NOD1: variants seen among roughly 807,000 people sequenced by gnomAD.
NOD1 encodes nucleotide binding oligomerization domain containing 1.
In NOD1, 70 loss-of-function variants were observed where a neutral mutation model predicts 81.2. That is an observed-to-expected ratio of 0.86 (90% CI 0.71 to 1.05). The LOEUF (loss-of-function observed/expected upper bound fraction) is 1.05, where lower values mean the gene tolerates loss of function less well. Among genes scored for constraint, NOD1 ranks in the 50% least tolerant of loss-of-function variants. The pLI is 0.00. For missense variants in NOD1, 1,233 were observed against 1,228.0 expected (o/e 1.00, Z -0.06); for synonymous variants, 508 against 526.9 (o/e 0.96, Z 0.49).
At position 30,437,619 on chromosome 7, in the gene NOD1, C is replaced by CT; in HGVS notation, c.2490dup (p.Ala831SerfsTer49). On this transcript the variant is annotated frameshift_variant, in exon 10 of 14. Coordinates refer to ENST00000222823, the MANE Select transcript of NOD1 (RefSeq NM_006092.4). LOFTEE classifies it high-confidence loss of function. ...TGGTTCCGCAGAGCCTCTGCGAAGGCTTTTGCTCCTTCATCCCCAACTTGA... is the reference window on the plus strand; with the variant it reads ...TGGTTCCGCAGAGCCTCTGCGAAGGCTTTTTGCTCCTTCATCCCCAACTTGA... 1 of 1,511,756 alleles carries CT rather than the reference C, an allele frequency of 6.6e-7. No individual in the cohort carries two copies. Among genetic ancestry groups the CT allele is most frequent in the Non-Finnish European group, 8.8e-7 (1 of 1,142,586 alleles). The allele number at this position is 1,511,756 out of a possible 1,614,324, so 93.6% of individuals were successfully genotyped here.
intron 10 of NOD1, among the ~76,000 whole-genome samples, chr7:30,436,426 C>T (rs1057085209): frequency 6.6e-6 from 1 of 152,240 alleles, no homozygotes; most frequent in African/African-American, 2.4e-5. Flanking sequence ...CAAGGTACCC[C>T]ATCTGCAAGA....
Position 30,451,528 on chromosome 7 carries a change from C to A in NOD1, c.1889G>T (p.Gly630Val). Reference sequence around the variant, plus strand: ...AACGCGGGGCAGGCTCTTCAGGTAGCCCCGCAGGCTGGAAAACAGGTGTGC... The same window carrying A: ...AACGCGGGGCAGGCTCTTCAGGTAGACCCGCAGGCTGGAAAACAGGTGTGC... ...LWAHLFSSLR[G>V]YLKSLPRVQV... The change falls in exon 6 of 14, where the codon GGC (glycine) becomes GTC (valine). Residue 630 changes from glycine to valine, a missense_variant. Gly to Val is a moderately radical substitution (Grantham distance 109). Coordinates refer to ENST00000222823, the MANE Select transcript of NOD1 (RefSeq NM_006092.4). The surrounding 1 kb of genome is among the most constrained non-coding windows in gnomAD (Gnocchi z 4.2). The A allele has an allele frequency of 6.2e-7, 1 of 1,613,000 alleles. No individual in the cohort carries two copies. The highest frequency in any genetic ancestry group is 8.5e-7 in the Non-Finnish European group (1 of 1,179,686).
intron 12 of NOD1, among the ~76,000 whole-genome samples, chr7:30,430,996 C>CT (rs1783904620): frequency 6.6e-6 from 1 of 152,232 alleles, no homozygotes; most frequent in South Asian, 2.1e-4. Context: ...ACCACTTAGG[C>CT]TTTTTTGAAG....
chr7:30,447,336 A>G (rs1718638228), intron 7 of NOD1: 1 of 457,328 alleles, frequency 2.2e-6, no homozygotes, highest in African/African-American at 2.0e-5. Context: ...CAGGGTGGTT[A>G]TGAGGATCTT....
At chr7:30,474,824 C>T (rs1166078186) in intron 1 of NOD1, among the ~76,000 whole-genome samples, 3 of 152,208 alleles carry the variant, frequency 2.0e-5, no homozygotes, top group Non-Finnish European at 1.5e-5. Context: ...TTCAGCCCTG[C>T]ATGTCTGGTA....
intron 1 of NOD1, among the ~76,000 whole-genome samples, chr7:30,468,116 G>A (rs1351251547): frequency 2.0e-5 from 3 of 152,178 alleles, no homozygotes; most frequent in African/African-American, 7.2e-5. Flanking sequence ...AAATAGTACA[G>A]AGCAAAAGTC....
chr7:30,447,077 C>T (rs5743354), intron 7 of NOD1, 27 bp from the exon 8 acceptor site: 171 of 1,613,172 alleles, frequency 1.1e-4, no homozygotes, highest in Admixed American at 1.2e-4. Flanking sequence ...AGCCATGAGA[C>T]TTTCTGGCTC....
At chr7:30,440,011 G>C (rs1408187021) in intron 9 of NOD1, among the ~76,000 whole-genome samples, 13 of 26,172 alleles carry the variant, frequency 5.0e-4, no homozygotes, top group African/African-American at 1.7e-3. Flanking sequence ...CACCTCACAC[G>C]GCAGGGTATT....
intron 12 of NOD1, among the ~76,000 whole-genome samples, chr7:30,430,460 G>A (rs950146918): frequency 6.6e-6 from 1 of 152,098 alleles, no homozygotes; most frequent in Non-Finnish European, 1.5e-5. Context: ...TTGTAGAATA[G>A]GCTCCTGCTA....
Position 30,426,079 on chromosome 7 carries a change from T to G in NOD1, c.2790-369A>C, listed in dbSNP as rs569203827. 6.0e-4 allele frequency among the ~76,000 whole-genome samples: 91 copies of G among 152,270 alleles called. 2 individuals are homozygous for G. Among genetic ancestry groups the G allele is most frequent in the South Asian group, 4.4e-3 (21 of 4,824 alleles). ...TATATGCGCTGATTTTTCTCCTGCA[T>G]CTGAGCACTCTACTTCAATTTCCTT... On this transcript the variant is annotated intron_variant, in intron 13 of 13. Transcript: ENST00000222823.
intron 12 of NOD1, among the ~76,000 whole-genome samples, chr7:30,431,915 G>A (rs915704734): frequency 2.0e-5 from 3 of 152,076 alleles, no homozygotes; most frequent in Non-Finnish European, 4.4e-5. Context: ...GACCAGCCTG[G>A]GCCTAAATGG....
At chr7:30,433,698 C>T (rs1264487023) in intron 11 of NOD1, among the ~76,000 whole-genome samples, 1 of 152,140 alleles carries the variant, frequency 6.6e-6, no homozygotes, top group Non-Finnish European at 1.5e-5. Flanking sequence ...GTCCTTAGAA[C>T]CAGAAGTGGT....
intron 12 of NOD1, among the ~76,000 whole-genome samples, chr7:30,432,240 C>A (rs969597587): frequency 6.6e-6 from 1 of 152,028 alleles, no homozygotes; most frequent in Non-Finnish European, 1.5e-5. Context: ...ATATAGAGAA[C>A]CCCTATAACT....
chr7:30,425,288 C>T lies in NOD1; in HGVS notation c.*350G>A, dbSNP rs2127976385. 4.0e-6 allele frequency: 1 copy of T among 251,664 alleles called. No homozygotes were observed. Among genetic ancestry groups the T allele is most frequent in the South Asian group, 7.0e-5 (1 of 14,342 alleles). The allele number at this position is 251,664 out of a possible 1,614,324, so 15.6% of individuals were successfully genotyped here. On this transcript the variant is annotated 3_prime_UTR_variant, in exon 14 of 14. Transcript: ENST00000222823. The stretch of plus-strand genomic sequence containing the variant: ...AACTCGCTCCCGTTGGTCCCTATGG[C>T]AGGTGTTGGAATGAGGTGAGGCTGG...
intron 1 of NOD1, among the ~76,000 whole-genome samples, chr7:30,471,568 CA>C (rs75403793): frequency 0.17 from 25,336 of 152,224 alleles, 2,251 homozygotes; most frequent in Admixed American, 0.23. Context: ...CAAGTGCACA[CA>C]AATGATGAAT....
At chr7:30,435,137 A>G (rs1478100870) in intron 11 of NOD1, among the ~76,000 whole-genome samples, 2 of 152,212 alleles carry the variant, frequency 1.3e-5, no homozygotes, top group Non-Finnish European at 2.9e-5. Context: ...TTAAGTGGCC[A>G]TAAAAAAGGG....
Position 30,456,770 on chromosome 7 carries a change from GAGA to G in NOD1, c.149_151del (p.Phe50del), listed in dbSNP as rs1562697474. The G allele has an allele frequency of 1.2e-6, 2 of 1,614,148 alleles. No homozygotes were observed. Reference sequence around the variant, plus strand: ...ACACACAATCTCCGCATCTTCGGCCGAGAAGTAGTCATTCTTCAGCAAGTTGTC... The same window carrying G: ...ACACACAATCTCCGCATCTTCGGCCGAGTAGTCATTCTTCAGCAAGTTGTC... On this transcript the variant is annotated inframe_deletion, in exon 4 of 14. Coordinates refer to ENST00000222823, the MANE Select transcript of NOD1 (RefSeq NM_006092.4).
At chr7:30,446,448 CAGA>C (rs967236307) in intron 8 of NOD1, 1 of 555,188 alleles carries the variant, frequency 1.8e-6, no homozygotes, top group Non-Finnish European at 3.2e-6. Context: ...ACAGTCTCTG[CAGA>C]AGCTCAGGGA....
intron 6 of NOD1, among the ~76,000 whole-genome samples, chr7:30,449,231 C>G (rs2128043146): frequency 6.6e-6 from 1 of 152,322 alleles, no homozygotes; most frequent in East Asian, 1.9e-4. Flanking sequence ...GTCAGACACT[C>G]TGGACCCTTT....
Sources: gnomAD v4.1 joint callset for allele counts (sites outside exome capture counted in the v4.1 genomes callset) on GRCh38, gnomAD v4.1.1 for gene constraint, Gnocchi (gnomAD v3.1) non-coding constraint, MANE v1.5 for transcripts, NCBI Gene and HGNC (gene_info 2026-07-23, HGNC 2026-07-21) for gene names.